PSME4: variants seen among roughly 807,000 people sequenced by gnomAD.
PSME4 encodes the protein proteasome activator subunit 4, also known as proteasome activator complex subunit 4.
In PSME4, 89 loss-of-function variants were observed where a neutral mutation model predicts 253.9. The ratio of observed to expected loss-of-function variants is 0.35; its 90% CI spans 0.30 to 0.42. The LOEUF (loss-of-function observed/expected upper bound fraction) is 0.42, where lower values mean the gene tolerates loss of function less well. PSME4 is among the 10% of genes least tolerant of loss of function. The pLI is 1.00. For missense variants in PSME4, 2,014 were observed against 2,195.2 expected, an observed-to-expected ratio of 0.92 and a Z score of 1.65; for synonymous variants, 851 against 759.2, an observed-to-expected ratio of 1.12 and a Z score of -1.99.
chr2:53,940,119 T>G, intron 3 of PSME4, 119 bp from the exon 4 acceptor site: 1 of 726,198 alleles, frequency 1.4e-6, no homozygotes, highest in Non-Finnish European at 2.1e-6. Flanking sequence ...TTACATGTAA[T>G]AATTGAGCCT....
At chr2:53,941,115 A>C (rs1669435195) in intron 3 of PSME4, among the ~76,000 whole-genome samples, 1 of 144,986 alleles carries the variant, frequency 6.9e-6, no homozygotes, top group South Asian at 2.2e-4. Flanking sequence ...ACTAATCTGC[A>C]AAGAAATTCC....
intron 44 of PSME4, among the ~76,000 whole-genome samples, chr2:53,867,861 T>C (rs1678647612): frequency 6.6e-6 from 1 of 152,076 alleles, no homozygotes; most frequent in Admixed American, 6.5e-5. Context: ...ACATCATGTA[T>C]GAAGAATGTC....
intron 29 of PSME4, among the ~76,000 whole-genome samples, chr2:53,899,661 T>G (rs1680302250): frequency 6.6e-6 from 1 of 151,760 alleles, no homozygotes; most frequent in South Asian, 2.1e-4. Flanking sequence ...CTACTAAAAA[T>G]ACAAAAATTA....
intron 27 of PSME4, 37 bp downstream of exon 27, chr2:53,903,988 A>G (rs1181736172): frequency 6.5e-7 from 1 of 1,540,046 alleles, no homozygotes; most frequent in Non-Finnish European, 8.8e-7. Flanking sequence ...AGTATGTTTG[A>G]AAATGTTTAC....
intron 17 of PSME4, among the ~76,000 whole-genome samples, chr2:53,921,399 A>G (rs1046144502): frequency 1.3e-5 from 2 of 151,560 alleles, no homozygotes; most frequent in African/African-American, 4.8e-5. Context: ...GGTACACGCC[A>G]CCATGCCCAG....
At chr2:53,955,691 G>T (rs1175839905) in intron 1 of PSME4, among the ~76,000 whole-genome samples, 2 of 152,138 alleles carry the variant, frequency 1.3e-5, no homozygotes, top group Non-Finnish European at 2.9e-5. Context: ...GGAGGCCACG[G>T]CAAGCAGACT....
chr2:53,968,035 G>A (rs1025964418), intron 1 of PSME4, among the ~76,000 whole-genome samples: 1 of 152,130 alleles, frequency 6.6e-6, no homozygotes, highest in African/African-American at 2.4e-5. Flanking sequence ...CACCTTGGGA[G>A]GCCGAGGTGG....
At chr2:53,936,455 T>C (rs1669119658) in intron 6 of PSME4, among the ~76,000 whole-genome samples, 1 of 152,198 alleles carries the variant, frequency 6.6e-6, no homozygotes, top group Non-Finnish European at 1.5e-5. Context: ...ATCCACTATA[T>C]GTCCAGCAGC....
chr2:53,901,590 A>G, intron 27 of PSME4, 31 bp from the exon 28 acceptor site: 1 of 1,548,398 alleles, frequency 6.5e-7, no homozygotes, highest in South Asian at 1.1e-5. Flanking sequence ...ATATGTTTAC[A>G]TGGGAAATAA....
Position 53,899,869 on chromosome 2 carries a change from T to C in PSME4, c.3422+12A>G, listed in dbSNP as rs1464670607. ...TAATGTCATCTATTGAAGTACACCA[T>C]TCATCAATTACCTTAGGGCATCGGC... On this transcript the variant is annotated intron_variant, in intron 29 of 46. Transcript: ENST00000404125. 3.1e-6 allele frequency: 5 copies of C among 1,611,576 alleles called. No individual in the cohort carries two copies. The highest frequency in any genetic ancestry group is 2.2e-5 in the South Asian group (2 of 90,514).
chr2:53,935,898 T>G (rs536781285), intron 7 of PSME4, among the ~76,000 whole-genome samples, 189 bp downstream of exon 7: 2 of 118,248 alleles, frequency 1.7e-5, no homozygotes, highest in South Asian at 5.7e-4. Context: ...GTTCAAAATG[T>G]TTTTTTTTTT....
chr2:53,898,144 A>C, intron 30 of PSME4, 145 bp from the exon 31 acceptor site: 1 of 1,176,528 alleles, frequency 8.5e-7, no homozygotes, highest in Non-Finnish European at 1.2e-6. Context: ...ATTAATCCCA[A>C]ACTTTCCCTC....
chr2:53,867,690 A>C (rs1573177322), intron 44 of PSME4, among the ~76,000 whole-genome samples: 1 of 144,496 alleles, frequency 6.9e-6, no homozygotes, highest in Non-Finnish European at 1.5e-5. Context: ...AAAAAAAAAA[A>C]GGATTTTTAA....
chr2:53,906,623 CGAA>C lies in PSME4; in HGVS notation c.2915_2917del (p.Leu972del). 1.9e-6 allele frequency: 3 copies of C among 1,597,934 alleles called. No individual in the cohort carries two copies. Among genetic ancestry groups the C allele is most frequent in the East Asian group, 2.2e-5 (1 of 44,720 alleles). On this transcript the variant is annotated inframe_deletion, in exon 26 of 47. Coordinates refer to ENST00000404125, the MANE Select transcript of PSME4 (RefSeq NM_014614.3). The stretch of plus-strand genomic sequence containing the variant: ...CTGACTGTATGAACTTGTAGATAAA[CGAA>C]GAAGATCTCTGATCATATCTTGATG...
At chr2:53,904,680 A>G (rs931342544) in intron 26 of PSME4, among the ~76,000 whole-genome samples, 7 of 152,206 alleles carry the variant, frequency 4.6e-5, no homozygotes, top group African/African-American at 1.7e-4. Flanking sequence ...CTAGTTAAAT[A>G]GTAATGGATA....
chr2:53,885,634 C>T (rs1679601298), intron 41 of PSME4, 56 bp downstream of exon 41: 2 of 1,336,188 alleles, frequency 1.5e-6, no homozygotes, highest in Non-Finnish European at 2.1e-6. Context: ...ATGATGAACA[C>T]AAATTCCTTA....
At chr2:53,963,970 T>C (rs1670604486) in intron 1 of PSME4, among the ~76,000 whole-genome samples, 1 of 152,116 alleles carries the variant, frequency 6.6e-6, no homozygotes, top group South Asian at 2.1e-4. Context: ...TGAAGATAGG[T>C]GATGAGGTTC....
At chr2:53,948,017 G>GA (rs1337048637) in intron 3 of PSME4, among the ~76,000 whole-genome samples, 2 of 151,556 alleles carry the variant, frequency 1.3e-5, no homozygotes, top group African/African-American at 2.4e-5. Flanking sequence ...CACCATCTCA[G>GA]AAAAAAAAGA....
chr2:53,899,793 G>A (rs1680309874), intron 29 of PSME4, 88 bp downstream of exon 29: 2 of 1,464,200 alleles, frequency 1.4e-6, no homozygotes, highest in Non-Finnish European at 1.9e-6. Flanking sequence ...ACTCCAGCCT[G>A]GGCAACAGAG....
Sources: gnomAD v4.1 joint callset for allele counts (sites outside exome capture counted in the v4.1 genomes callset) on GRCh38, gnomAD v4.1.1 for gene constraint, MANE v1.5 for transcripts, NCBI Gene and HGNC (gene_info 2026-07-23, HGNC 2026-07-21) for gene names.